Variants in TIMM10 observed in about 807,000 individuals in gnomAD.
The protein encoded by TIMM10 is translocase of inner mitochondrial membrane 10, also known as mitochondrial import inner membrane translocase subunit Tim10.
Under a neutral mutation model 9.1 loss-of-function variants are expected in TIMM10, and 13 were observed. The ratio of observed to expected loss-of-function variants is 1.42; its 90% CI spans 0.93 to 2.26. The LOEUF is 2.26. Among genes scored for constraint, TIMM10 ranks in the 30% most tolerant of loss-of-function variants. TIMM10 has a pLI of 0.00. For synonymous variants in TIMM10, 40 were observed against 42.1 expected, an observed-to-expected ratio of 0.95 and a Z score of 0.20; for missense variants, 82 against 113.6, an observed-to-expected ratio of 0.72 and a Z score of 1.26.
rs369664799 is a variant in TIMM10 at position 57,530,114 on chromosome 11, T to C, written c.71+5A>G. The stretch of plus-strand genomic sequence containing the variant: ...CAAGACAGGGTAGCACATAGTTCTC[T>C]TTACCTGTTGTACATATCGGCCATC... On this transcript the variant is annotated splice_donor_5th_base_variant and intron_variant, in intron 2 of 2. Transcript: ENST00000257245. The C allele has an allele frequency of 1.9e-6, 3 of 1,614,052 alleles. No individual in the cohort carries two copies. Among genetic ancestry groups the C allele is most frequent in the Non-Finnish European group, 8.5e-7 (1 of 1,179,920 alleles).
rs1187617472 is a variant in TIMM10 at position 57,530,224 on chromosome 11, GCCT to G, written c.-38_-36del. The G allele has an allele frequency of 1.9e-6, 3 of 1,608,714 alleles. No homozygotes were observed. The highest frequency in any genetic ancestry group is 2.2e-5 in the South Asian group (2 of 90,942). On this transcript the variant is annotated 5_prime_UTR_variant, in exon 2 of 3. Coordinates refer to ENST00000257245, the MANE Select transcript of TIMM10 (RefSeq NM_012456.3). ...GCACCGTGGAAGGGATCTCCTTCTG[GCCT>G]CCTAATCCTGGGAGCAGACATCACC...
At chr11:57,530,453 G>C (rs1019857395) in intron 1 of TIMM10, among the ~76,000 whole-genome samples, 2 of 152,140 alleles carry the variant, frequency 1.3e-5, no homozygotes, top group Non-Finnish European at 2.9e-5. Flanking sequence ...GATCTCTGAT[G>C]CCCCAGTTCC....
chr11:57,530,062 C>T, intron 2 of TIMM10, 57 bp downstream of exon 2: 1 of 1,588,956 alleles, frequency 6.3e-7, no homozygotes, highest in Admixed American at 1.7e-5. Flanking sequence ...CATTCACCTT[C>T]GATAAGGGTG....
rs780364172 is a variant in TIMM10, at chr11:57,528,815, G to A, written c.175C>T (p.Leu59=). 3 of 1,614,076 alleles carry A rather than the reference G, an allele frequency of 1.9e-6. No individual in the cohort carries two copies. Among genetic ancestry groups the A allele is most frequent in the Non-Finnish European group, 2.5e-6 (3 of 1,180,032 alleles). ...TTGCCCATCCGCTCATGGATGTCCA[G>A]GTACTTAGAGACACATCGGTCCAGG... The part of the protein sequence containing the change: ...VCLDRCVSKY[L]DIHERMGKKL... The change falls in exon 3 of 3, where the codon CTG becomes TTG. Residue 59 remains leucine (L), a synonymous_variant. Transcript: ENST00000257245.
chr11:57,530,095 A>G (rs1309820043), intron 2 of TIMM10, 24 bp downstream of exon 2: 1 of 1,613,038 alleles, frequency 6.2e-7, no homozygotes, highest in Non-Finnish European at 8.5e-7. Context: ...TTTCCAAGAC[A>G]GGGTAGCACA....
chr11:57,529,980 T>C, intron 2 of TIMM10, 139 bp downstream of exon 2: 1 of 825,426 alleles, frequency 1.2e-6, no homozygotes. Context: ...GGATCAACCT[T>C]GAAGGTGGGT....
In TIMM10 at chr11:57,528,830, A is replaced by C; in HGVS notation, c.160T>G (p.Cys54Gly). 1.2e-6 allele frequency: 2 copies of C among 1,614,048 alleles called. No individual in the cohort carries two copies. Among genetic ancestry groups the C allele is most frequent in the Non-Finnish European group, 1.7e-6 (2 of 1,180,010 alleles). The stretch of plus-strand genomic sequence containing the variant: ...TGGATGTCCAGGTACTTAGAGACAC[A>C]TCGGTCCAGGCACACAGACTCGCCC... ...SKGESVCLDR[C>G]VSKYLDIHER... The change falls in exon 3 of 3, where the codon TGT (cysteine) becomes GGT (glycine). Residue 54 changes from cysteine to glycine, a missense_variant. By Grantham distance (159) the Cys-to-Gly change is radical. Coordinates refer to ENST00000257245, the MANE Select transcript of TIMM10 (RefSeq NM_012456.3).
Position 57,529,261 on chromosome 11 carries a change from T to G in TIMM10, c.72-343A>C, listed in dbSNP as rs577771935. On this transcript the variant is annotated intron_variant, in intron 2 of 2. Transcript: ENST00000257245. ...TTAAGGCAAACAGAGGCTCAGTAAT[T>G]TTCTAAGGATCACACAGAGCTGGGT... Among the ~76,000 whole-genome samples the G allele has an allele frequency of 1.1e-4, 16 of 152,324 alleles. No individual in the cohort carries two copies. The South Asian group carries it at 2.9e-3, about 28-fold the overall frequency.
Position 57,530,345 on chromosome 11 carries a change from C to G in TIMM10, c.-45-111G>C, listed in dbSNP as rs1174249597. On this transcript the variant is annotated intron_variant, in intron 1 of 2. Coordinates refer to ENST00000257245, the MANE Select transcript of TIMM10 (RefSeq NM_012456.3). ...CGCCAGACCACCACGGGCCACTAAC[C>G]TCAGTGAGCTTAACCACCCCATTTC... The G allele has an allele frequency of 1.5e-5, 10 of 659,228 alleles. No individual in the cohort carries two copies. In the South Asian group the frequency reaches 1.8e-4, roughly 12 times the overall value. The allele number at this position is 659,228 out of a possible 1,614,324, so 40.8% of individuals were successfully genotyped here.
At chr11:57,529,679 T>C (rs913482850) in intron 2 of TIMM10, among the ~76,000 whole-genome samples, 1 of 152,192 alleles carries the variant, frequency 6.6e-6, no homozygotes. Flanking sequence ...GGAAGTTACT[T>C]AACCTCTAGA....
Position 57,528,833 on chromosome 11 carries a change from G to T in TIMM10, c.157C>A (p.Arg53=). 6.2e-7 allele frequency: 1 copy of T among 1,613,964 alleles called. No individual in the cohort carries two copies. Among genetic ancestry groups the T allele is most frequent in the Non-Finnish European group, 8.5e-7 (1 of 1,180,002 alleles). ...LSKGESVCLD[R]CVSKYLDIHE... The stretch of plus-strand genomic sequence containing the variant: ...ATGTCCAGGTACTTAGAGACACATC[G>T]GTCCAGGCACACAGACTCGCCCTTG... The change falls in exon 3 of 3, where the codon CGA becomes AGA. Residue 53 remains arginine (R), a synonymous_variant. Transcript: ENST00000257245.
At position 57,528,833 on chromosome 11, in the gene TIMM10, G is replaced by A. The variant is rs747888838; in HGVS notation, c.157C>T (p.Arg53Ter). ...LSKGESVCLD[R>*]CVSKYLDIHE... ...ATGTCCAGGTACTTAGAGACACATC[G>A]GTCCAGGCACACAGACTCGCCCTTG... The change falls in exon 3 of 3, where the codon CGA becomes TGA. Residue 53 changes from arginine to a stop codon, truncating the protein, a stop_gained. Coordinates refer to ENST00000257245, the MANE Select transcript of TIMM10 (RefSeq NM_012456.3). LOFTEE classifies it high-confidence loss of function. 4 of 1,613,964 alleles carry A rather than the reference G, an allele frequency of 2.5e-6. No homozygotes were observed. Among genetic ancestry groups the A allele is most frequent in the East Asian group, 2.2e-5 (1 of 44,870 alleles).
At chr11:57,530,070 G>T (rs1408292451) in intron 2 of TIMM10, 49 bp downstream of exon 2, 1 of 1,599,356 alleles carries the variant, frequency 6.3e-7, no homozygotes, top group Admixed American at 1.7e-5. Flanking sequence ...TTCGATAAGG[G>T]TGACCAAGAC....
At chr11:57,530,015 A>G in intron 2 of TIMM10, 104 bp downstream of exon 2, 1 of 1,313,322 alleles carries the variant, frequency 7.6e-7, no homozygotes, top group Admixed American at 1.8e-5. Context: ...CATGGGCCTC[A>G]GGCTCCCCTA....
chr11:57,529,477 G>C (rs560364011), intron 2 of TIMM10, among the ~76,000 whole-genome samples: 2 of 152,298 alleles, frequency 1.3e-5, no homozygotes, highest in East Asian at 3.9e-4. Flanking sequence ...CTATGAGGTA[G>C]GTATCATTAT....
rs1944771953 is a variant in TIMM10 at position 57,528,629 on chromosome 11, A to C, written c.*88T>G. 1.5e-6 allele frequency: 2 copies of C among 1,338,614 alleles called. No individual in the cohort carries two copies. The highest frequency in any genetic ancestry group is 2.1e-6 in the Non-Finnish European group (2 of 947,438). The allele number at this position is 1,338,614 out of a possible 1,614,324, so 82.9% of individuals were successfully genotyped here. A position where few individuals can be genotyped will look rare whatever the true frequency, so the allele number is the denominator to read the frequency against. On this transcript the variant is annotated 3_prime_UTR_variant, in exon 3 of 3. Transcript: ENST00000257245. ...TCTCTACAGAGAGCCTAGGCCTGGC[A>C]GTCTTCACAGATGACACCCAACAGG...
chr11:57,528,807 G>A lies in TIMM10; in HGVS notation c.183C>T (p.Ile61=), dbSNP rs758403483. The A allele has an allele frequency of 1.2e-5, 19 of 1,613,992 alleles. No individual in the cohort carries two copies. The South Asian group carries it at 1.9e-4, about 16-fold the overall frequency. The change falls in exon 3 of 3, where the codon ATC becomes ATT. Residue 61 remains isoleucine (I), a synonymous_variant. Coordinates refer to ENST00000257245, the MANE Select transcript of TIMM10 (RefSeq NM_012456.3). ...TCAACTTTTTGCCCATCCGCTCATGGATGTCCAGGTACTTAGAGACACATC... is the reference window on the plus strand; with the variant it reads ...TCAACTTTTTGCCCATCCGCTCATGAATGTCCAGGTACTTAGAGACACATC... The part of the protein sequence containing the change: ...LDRCVSKYLD[I]HERMGKKLTE...
chr11:57,530,271 C>T, intron 1 of TIMM10, 37 bp from the exon 2 acceptor site: 2 of 1,419,976 alleles, frequency 1.4e-6, no homozygotes, highest in Non-Finnish European at 9.9e-7. Flanking sequence ...CCACCGCCGC[C>T]GTTCACTCTC....
intron 2 of TIMM10, 65 bp from the exon 3 acceptor site, chr11:57,528,983 T>G: frequency 1.9e-6 from 3 of 1,541,538 alleles, no homozygotes; most frequent in South Asian, 1.1e-5. Context: ...ACCTTGACCA[T>G]TCCAGCCCTG....
Sources: allele counts gnomAD v4.1 joint callset (sites outside exome capture counted in the v4.1 genomes callset), GRCh38; gene constraint gnomAD v4.1.1; transcripts MANE v1.5; gene names NCBI Gene and HGNC (gene_info 2026-07-23, HGNC 2026-07-21).